Variants in KIAA1217 observed in about 807,000 individuals in gnomAD.
KIAA1217 encodes sickle tail protein homolog.
In KIAA1217, 88 loss-of-function variants were observed where a neutral mutation model predicts 163.9. That is an observed-to-expected ratio of 0.54 (90% CI 0.45 to 0.64). The LOEUF is 0.64. KIAA1217 is among the 30% of genes least tolerant of loss of function. The pLI is 0.00. For missense variants in KIAA1217, 2,372 were observed against 2,475.0 expected (o/e 0.96, Z 0.88); for synonymous variants, 903 against 923.1 (o/e 0.98, Z 0.39).
At chr10:24,340,240 T>C (rs1423046808) in intron 2 of KIAA1217, among the ~76,000 whole-genome samples, 1 of 152,200 alleles carries the variant, frequency 6.6e-6, no homozygotes, top group South Asian at 2.1e-4. Flanking sequence ...TCATTTTGAA[T>C]TGTAGCTCCC....
intron 1 of KIAA1217, among the ~76,000 whole-genome samples, chr10:23,886,160 C>T (rs1200745135): frequency 1.3e-5 from 2 of 151,896 alleles, no homozygotes; most frequent in African/African-American, 4.8e-5. Context: ...TCCTGTCCTT[C>T]ACAAATAATT....
chr10:24,236,160 T>C (rs1290539735), intron 2 of KIAA1217, among the ~76,000 whole-genome samples: 2 of 152,084 alleles, frequency 1.3e-5, no homozygotes, highest in African/African-American at 4.8e-5. Context: ...ATTTGAATGA[T>C]AAAAAAATTG....
intron 1 of KIAA1217, among the ~76,000 whole-genome samples, chr10:23,699,980 G>T (rs1178820927): frequency 1.3e-5 from 2 of 152,174 alleles, no homozygotes; most frequent in African/African-American, 4.8e-5. Flanking sequence ...AGGAGTAAAT[G>T]AATAAAAGAA....
At chr10:23,987,603 TTGTGTG>T (rs568995756) in intron 1 of KIAA1217, among the ~76,000 whole-genome samples, 1 of 121,272 alleles carries the variant, frequency 8.2e-6, no homozygotes, top group Admixed American at 8.0e-5. Context: ...ACATTCTTAT[TTGTGTG>T]TGTGTGTGTG....
At chr10:24,512,696 G>A (rs745769434) in intron 9 of KIAA1217, among the ~76,000 whole-genome samples, 38 of 152,286 alleles carry the variant, frequency 2.5e-4, no homozygotes, top group African/African-American at 6.0e-4. Context: ...CCATGTGAAC[G>A]AAAAGGACAC....
At chr10:24,283,154 G>A (rs1046920711) in intron 2 of KIAA1217, among the ~76,000 whole-genome samples, 20 of 151,946 alleles carry the variant, frequency 1.3e-4, no homozygotes, top group African/African-American at 4.1e-4. Context: ...TACTTTTAGG[G>A]CCTTTGACTG....
At chr10:23,936,470 TG>T (rs1239422534) in intron 1 of KIAA1217, among the ~76,000 whole-genome samples, 7 of 152,292 alleles carry the variant, frequency 4.6e-5, no homozygotes, top group African/African-American at 1.7e-4. Flanking sequence ...GAAGTCGTAG[TG>T]GATTAGCGTG....
intron 2 of KIAA1217, among the ~76,000 whole-genome samples, chr10:24,372,327 G>A (rs549450882): frequency 2.6e-5 from 4 of 152,276 alleles, no homozygotes; most frequent in South Asian, 2.1e-4. Context: ...CTGAGAAGGC[G>A]CAAGGAAACA....
At chr10:24,236,285 C>T (rs1482359856) in intron 2 of KIAA1217, among the ~76,000 whole-genome samples, 1 of 151,804 alleles carries the variant, frequency 6.6e-6, no homozygotes, top group Non-Finnish European at 1.5e-5. Context: ...GCGTTTTGCT[C>T]TTGTTGCCCA....
chr10:23,730,761 T>G (rs1471987254), intron 1 of KIAA1217, among the ~76,000 whole-genome samples: 1 of 150,644 alleles, frequency 6.6e-6, no homozygotes, highest in African/African-American at 2.5e-5. Flanking sequence ...CTAATATAAA[T>G]GATAATGTGT....
chr10:23,855,250 A>C (rs973303293), intron 1 of KIAA1217, among the ~76,000 whole-genome samples: 1 of 152,098 alleles, frequency 6.6e-6, no homozygotes, highest in Non-Finnish European at 1.5e-5. Context: ...TCTGTAAAGT[A>C]TTTTATTTCT....
intron 2 of KIAA1217, among the ~76,000 whole-genome samples, chr10:24,116,059 T>G (rs970767937): frequency 1.3e-5 from 2 of 152,166 alleles, no homozygotes; most frequent in African/African-American, 4.8e-5. Flanking sequence ...ACTTCCCTCG[T>G]TGACAGTGTC....
Position 24,095,858 on chromosome 10 carries a change from C to G in KIAA1217, c.-171+88484C>G, listed in dbSNP as rs1213768407. On this transcript the variant is annotated intron_variant, in intron 2 of 18. Transcript: ENST00000376462. ...TGGTGGTTCAAGCCAATAATCCCGG[C>G]ACTTTGGGAGGCCAAGATGGTAGGA... Among the ~76,000 whole-genome samples the G allele has an allele frequency of 6.6e-5, 10 of 152,196 alleles. No homozygotes were observed. The East Asian group carries it at 1.9e-3, about 29-fold the overall frequency.
chr10:23,988,159 C>T (rs1301442271), intron 1 of KIAA1217, among the ~76,000 whole-genome samples: 5 of 152,152 alleles, frequency 3.3e-5, no homozygotes, highest in African/African-American at 1.2e-4. Context: ...CTGAGAACTC[C>T]GTTTTCTAGA....
At chr10:24,200,380 TG>T (rs2067199172) in intron 2 of KIAA1217, among the ~76,000 whole-genome samples, 2 of 152,116 alleles carry the variant, frequency 1.3e-5, no homozygotes, top group South Asian at 4.1e-4. Context: ...CTCAAACTTC[TG>T]GGCTGAAGTG....
intron 12 of KIAA1217, among the ~76,000 whole-genome samples, chr10:24,523,504 C>T (rs961264): frequency 0.31 from 47,091 of 151,656 alleles, 7,538 homozygotes; most frequent in Middle Eastern, 0.39. Context: ...AAAAAAGTAA[C>T]ATAATAAAAA....
At chr10:23,761,704 GT>G (rs1272724855) in intron 1 of KIAA1217, among the ~76,000 whole-genome samples, 1 of 152,116 alleles carries the variant, frequency 6.6e-6, no homozygotes, top group African/African-American at 2.4e-5. Flanking sequence ...TAATTGCCAC[GT>G]GGCACTGAAA....
intron 2 of KIAA1217, among the ~76,000 whole-genome samples, chr10:24,371,519 G>GAA (rs1173105962): frequency 6.6e-6 from 1 of 152,240 alleles, no homozygotes; most frequent in African/African-American, 2.4e-5. Flanking sequence ...CTGCATGTCT[G>GAA]AAATTGATTT....
intron 3 of KIAA1217, among the ~76,000 whole-genome samples, chr10:24,408,360 T>TC (rs2057429355): frequency 6.6e-6 from 1 of 152,056 alleles, no homozygotes; most frequent in Non-Finnish European, 1.5e-5. Context: ...ACTTCTTACA[T>TC]CCCCTACTCC....
Sources: gnomAD v4.1 joint callset for allele counts (sites outside exome capture counted in the v4.1 genomes callset) on GRCh38, gnomAD v4.1.1 for gene constraint, MANE v1.5 for transcripts, NCBI Gene and HGNC (gene_info 2026-07-23, HGNC 2026-07-21) for gene names.